The following PRDM11 variants were observed in gnomAD, a reference collection of about 807,000 sequenced individuals.
The protein encoded by PRDM11 is PR/SET domain 11.
Under a neutral mutation model 97.8 loss-of-function variants are expected in PRDM11, and 20 were observed. The ratio of observed to expected loss-of-function variants is 0.20; its 90% CI spans 0.14 to 0.30. The LOEUF is 0.30. PRDM11 is among the 10% of genes least tolerant of loss of function. The pLI is 1.00. For missense variants in PRDM11, 1,139 were observed against 1,555.2 expected, an observed-to-expected ratio of 0.73 and a Z score of 4.50; for synonymous variants, 599 against 637.7, an observed-to-expected ratio of 0.94 and a Z score of 0.91.
chr11:45,212,027 G>A (rs1247160681), intron 5 of PRDM11, among the ~76,000 whole-genome samples: 1 of 152,230 alleles, frequency 6.6e-6, no homozygotes, highest in African/African-American at 2.4e-5. Flanking sequence ...GCGTTACAGA[G>A]CACCTTCATG....
chr11:45,188,591 A>G (rs1852795965), intron 4 of PRDM11, among the ~76,000 whole-genome samples: 1 of 152,246 alleles, frequency 6.6e-6, no homozygotes, highest in Non-Finnish European at 1.5e-5. Context: ...GGTACAAGGC[A>G]TGGGCCTGGG....
rs554759879 is a variant in PRDM11, at chr11:45,187,151, C to G, written c.486+4028C>G. ...TGGATAGGAGGGGAGGAAGCTTATT[C>G]CCAACCAAGTAATACAGAGGCAGAG... is the stretch of plus-strand genomic sequence containing the variant. On this transcript the variant is annotated intron_variant, in intron 4 of 7. Coordinates refer to ENST00000683152, the MANE Select transcript of PRDM11 (RefSeq NM_001384648.1). Among the ~76,000 whole-genome samples, 3 of 152,240 alleles carry G rather than the reference C, an allele frequency of 2.0e-5. No homozygotes were observed. The South Asian group carries it at 6.2e-4, about 32-fold the overall frequency.
chr11:45,234,587 TC>T lies in PRDM11; in HGVS notation c.*6432del, dbSNP rs1854467126. 1 of 152,062 alleles carries T rather than the reference TC, an allele frequency of 6.6e-6. No homozygotes were observed. The highest frequency in any genetic ancestry group is 1.5e-5 in the Non-Finnish European group (1 of 68,132). The allele number at this position is 152,062 out of a possible 1,614,324, so 9.4% of individuals were successfully genotyped here. A position where few individuals can be genotyped will look rare whatever the true frequency, so the allele number is the denominator to read the frequency against. On this transcript the variant is annotated 3_prime_UTR_variant, in exon 8 of 8. Transcript: ENST00000683152. ...TAGACCCACGGCCAGGGGATGGGCA[TC>T]CCCAGGTAGCAATCCCACAATGCAC...
intron 1 of PRDM11, among the ~76,000 whole-genome samples, chr11:45,118,433 A>C (rs973255886): frequency 5.3e-5 from 8 of 152,234 alleles, no homozygotes; most frequent in African/African-American, 1.9e-4. Flanking sequence ...CAAAAAATAA[A>C]ATCTACCAAA....
chr11:45,113,830 T>TG (rs1324042757), intron 1 of PRDM11, among the ~76,000 whole-genome samples: 2,296 of 38,380 alleles, frequency 0.06, 66 homozygotes, highest in African/African-American at 0.13. Flanking sequence ...GTGTGTTTTG[T>TG]TTTTTTTTTT....
intron 1 of PRDM11, among the ~76,000 whole-genome samples, chr11:45,153,143 C>T (rs1851701724): frequency 6.6e-6 from 1 of 152,230 alleles, no homozygotes; most frequent in African/African-American, 2.4e-5. Context: ...GGGCTTGGTT[C>T]TGGAGGCCAG....
intron 1 of PRDM11, among the ~76,000 whole-genome samples, chr11:45,150,389 G>A (rs898863532): frequency 6.6e-6 from 1 of 152,172 alleles, no homozygotes; most frequent in Non-Finnish European, 1.5e-5. Flanking sequence ...ACTCTACCAG[G>A]GTTGCTTTGA....
chr11:45,175,053 C>T (rs1852294134), intron 1 of PRDM11, among the ~76,000 whole-genome samples: 1 of 152,168 alleles, frequency 6.6e-6, no homozygotes, highest in South Asian at 2.1e-4. Context: ...TACACCCTGC[C>T]CCCACACACA....
rs1172482163 is a variant in PRDM11, at chr11:45,101,555, C to CAAAAAAA, written c.96+5662_96+5668dup. Among the ~76,000 whole-genome samples, 535 of 61,598 alleles carry CAAAAAAA rather than the reference C, an allele frequency of 8.7e-3. 17 individuals carry two copies. Among genetic ancestry groups the CAAAAAAA allele is most frequent in the Middle Eastern group, 0.011 (1 of 94 alleles). The allele number at this position is 61,598 out of a possible 152,430, so 40.4% of individuals were successfully genotyped here. On this transcript the variant is annotated intron_variant, in intron 1 of 6. Coordinates refer to the PRDM11 transcript ENST00000530656. ...TGGGTGACAGAGCAACACTCTGTCT[C>CAAAAAAA]AAAAAAAAAAAAAAGAAGAAGAAGA...
intron 1 of PRDM11, among the ~76,000 whole-genome samples, chr11:45,122,234 C>CAGAGAGAG (rs201403813): frequency 1.4e-5 from 2 of 139,258 alleles, no homozygotes; most frequent in African/African-American, 5.1e-5. Flanking sequence ...CACACACACA[C>CAGAGAGAG]ACAGAGAGAA....
At chr11:45,126,324 T>C (rs1472019997) in intron 1 of PRDM11, among the ~76,000 whole-genome samples, 2 of 152,128 alleles carry the variant, frequency 1.3e-5, no homozygotes, top group Non-Finnish European at 2.9e-5. Flanking sequence ...TTGGAGCATT[T>C]AGCCCATTTA....
chr11:45,225,230 T>A, intron 7 of PRDM11: 1 of 863,008 alleles, frequency 1.2e-6, no homozygotes, highest in Non-Finnish European at 1.5e-6. Flanking sequence ...TTGGCTTCCC[T>A]AACTTAGTCC....
intron 1 of PRDM11, among the ~76,000 whole-genome samples, chr11:45,126,550 A>C (rs1344985212): frequency 6.6e-6 from 1 of 152,058 alleles, no homozygotes; most frequent in East Asian, 1.9e-4. Flanking sequence ...AAAATCTCTC[A>C]GCATTTGCTT....
At chr11:45,204,918 C>A in intron 5 of PRDM11, 140 bp downstream of exon 5, 1 of 836,712 alleles carries the variant, frequency 1.2e-6, no homozygotes. Flanking sequence ...GCATCTAGCT[C>A]TGAAGGACCC....
chr11:45,147,021 C>G (rs1349141737), intron 1 of PRDM11, 144 bp downstream of exon 1: 2 of 138,998 alleles, frequency 1.4e-5, no homozygotes, highest in East Asian at 4.2e-4. Context: ...TCGGCGCGGG[C>G]GCGGGGCGGG....
upstream of PRDM11, among the ~76,000 whole-genome samples, chr11:45,145,770 C>T (rs1851494256): frequency 6.6e-6 from 1 of 152,134 alleles, no homozygotes; most frequent in South Asian, 2.1e-4. Context: ...TGTCCCTTGC[C>T]CTCCTCCAAG....
intron 4 of PRDM11, among the ~76,000 whole-genome samples, chr11:45,196,630 G>C (rs1313422542): frequency 6.6e-6 from 1 of 152,164 alleles, no homozygotes; most frequent in Non-Finnish European, 1.5e-5. Context: ...TCTTCCCCAA[G>C]GGTCCAAACT....
chr11:45,180,746 G>A (rs1390688724), intron 1 of PRDM11, among the ~76,000 whole-genome samples: 2 of 149,910 alleles, frequency 1.3e-5, no homozygotes, highest in East Asian at 2.0e-4. Flanking sequence ...GCTGGCGAGA[G>A]GGGGAGAGCC....
chr11:45,133,072 C>T (rs1485199184), intron 1 of PRDM11, among the ~76,000 whole-genome samples: 1 of 152,200 alleles, frequency 6.6e-6, no homozygotes, highest in Non-Finnish European at 1.5e-5. Context: ...GCTGCATTCC[C>T]ATAAGCTGGA....
Sources: allele counts gnomAD v4.1 joint callset (sites outside exome capture counted in the v4.1 genomes callset), GRCh38; gene constraint gnomAD v4.1.1; transcripts MANE v1.5; gene names NCBI Gene and HGNC (gene_info 2026-07-23, HGNC 2026-07-21).